ADAM12: variants seen among roughly 807,000 people sequenced by gnomAD.
ADAM12 encodes the protein ADAM metallopeptidase domain 12.
ADAM12 carries 70 observed loss-of-function variants against 106.4 expected under a neutral mutation model. The ratio of observed to expected loss-of-function variants is 0.66; its 90% CI spans 0.54 to 0.80. ADAM12 has a LOEUF of 0.80. ADAM12 is among the 30% of genes least tolerant of loss of function. The probability of loss-of-function intolerance (pLI) is 0.00; values close to 1 mark genes in which losing one functional copy is unlikely to be tolerated. For missense variants in ADAM12, 1,010 were observed against 1,171.9 expected (o/e 0.86, Z 2.02); for synonymous variants, 420 against 433.5 (o/e 0.97, Z 0.39).
chr10:126,365,403 G>A (rs531012164), intron 1 of ADAM12, among the ~76,000 whole-genome samples: 4 of 152,296 alleles, frequency 2.6e-5, no homozygotes, highest in South Asian at 4.1e-4. Context: ...AGCTAGGAAT[G>A]AAGAAGCTTC....
intron 3 of ADAM12, among the ~76,000 whole-genome samples, chr10:126,191,283 C>T (rs1432022828): frequency 2.0e-5 from 3 of 151,748 alleles, no homozygotes; most frequent in East Asian, 1.9e-4. Flanking sequence ...ATTGAGTCAC[C>T]GGGCCCAGTC....
intron 11 of ADAM12, among the ~76,000 whole-genome samples, chr10:126,092,761 A>T (rs1955489731): frequency 6.6e-6 from 1 of 152,196 alleles, no homozygotes; most frequent in African/African-American, 2.4e-5. Flanking sequence ...GGCGATGAAC[A>T]TGAGGAATCA....
At chr10:126,272,374 A>G (rs1432629979) in intron 3 of ADAM12, among the ~76,000 whole-genome samples, 4 of 152,236 alleles carry the variant, frequency 2.6e-5, no homozygotes, top group African/African-American at 7.2e-5. Context: ...GATTAGGCCA[A>G]TGTTTTCCAA....
At chr10:126,359,299 C>T (rs371938702) in intron 1 of ADAM12, among the ~76,000 whole-genome samples, 1 of 152,264 alleles carries the variant, frequency 6.6e-6, no homozygotes. Context: ...TCATGCCTTC[C>T]CAACAGTCCC....
chr10:126,167,644 T>C (rs1676744), intron 3 of ADAM12, among the ~76,000 whole-genome samples: 17,723 of 152,206 alleles, frequency 0.12, 2,286 homozygotes, highest in African/African-American at 0.32. Flanking sequence ...ACGATCAAAC[T>C]CATTTATATT....
intron 3 of ADAM12, among the ~76,000 whole-genome samples, chr10:126,217,326 A>G (rs1282520857): frequency 6.6e-6 from 1 of 152,078 alleles, no homozygotes; most frequent in East Asian, 1.9e-4. Flanking sequence ...CCTCAAATTT[A>G]TGAAGTTATC....
At chr10:126,110,545 A>T (rs1955851315) in intron 6 of ADAM12, among the ~76,000 whole-genome samples, 1 of 152,168 alleles carries the variant, frequency 6.6e-6, no homozygotes, top group Non-Finnish European at 1.5e-5. Context: ...CTAAGACTGC[A>T]ATATGCCCCT....
intron 3 of ADAM12, among the ~76,000 whole-genome samples, chr10:126,206,826 T>C (rs1035016722): frequency 7.5e-6 from 1 of 133,304 alleles, no homozygotes; most frequent in South Asian, 2.6e-4. Context: ...TCATCTTGAG[T>C]TGTAGCTCCC....
chr10:126,318,363 CT>C (rs1853961460), intron 2 of ADAM12, among the ~76,000 whole-genome samples: 1 of 151,948 alleles, frequency 6.6e-6, no homozygotes, highest in East Asian at 1.9e-4. Context: ...CACTCTCTCA[CT>C]CGCATACATC....
At chr10:126,135,772 T>C (rs1956394189) in intron 4 of ADAM12, 112 bp from the exon 5 acceptor site, 3 of 938,614 alleles carry the variant, frequency 3.2e-6, no homozygotes, top group Non-Finnish European at 5.0e-6. Context: ...GCATAAAATA[T>C]TGTTCTACAG....
chr10:126,307,937 T>C (rs1194423434), intron 2 of ADAM12, among the ~76,000 whole-genome samples: 1 of 152,198 alleles, frequency 6.6e-6, no homozygotes, highest in Non-Finnish European at 1.5e-5. Flanking sequence ...TTTTATTTTA[T>C]GCTAGACACT....
At chr10:126,152,544 T>G (rs1956746298) in intron 4 of ADAM12, among the ~76,000 whole-genome samples, 1 of 151,964 alleles carries the variant, frequency 6.6e-6, no homozygotes, top group Non-Finnish European at 1.5e-5. Context: ...TCTCTGATGT[T>G]ACCACTACAG....
At chr10:126,069,712 G>A (rs1010052972) in intron 12 of ADAM12, among the ~76,000 whole-genome samples, 17 of 152,092 alleles carry the variant, frequency 1.1e-4, no homozygotes, top group Non-Finnish European at 4.4e-5. Flanking sequence ...CCACGGTGGT[G>A]GCAGTAGCTG....
chr10:126,022,191 C>A (rs1377386228), intron 21 of ADAM12, among the ~76,000 whole-genome samples: 1 of 152,108 alleles, frequency 6.6e-6, no homozygotes, highest in Non-Finnish European at 1.5e-5. Context: ...GGGACGTTCC[C>A]AATTTATGTT....
chr10:126,202,071 TC>T (rs111539319), intron 3 of ADAM12, among the ~76,000 whole-genome samples: 1,865 of 152,346 alleles, frequency 0.012, 54 homozygotes, highest in African/African-American at 0.043. Context: ...CTTGTCCACT[TC>T]CATTCACTCT....
intron 3 of ADAM12, among the ~76,000 whole-genome samples, chr10:126,234,107 A>G (rs1264127097): frequency 1.3e-5 from 2 of 152,220 alleles, no homozygotes; most frequent in African/African-American, 4.8e-5. Flanking sequence ...TCCCAAGCTC[A>G]TGGACAGGCA....
chr10:126,127,661 G>T (rs1010823503), intron 5 of ADAM12, among the ~76,000 whole-genome samples: 3 of 152,248 alleles, frequency 2.0e-5, no homozygotes, highest in Non-Finnish European at 2.9e-5. Flanking sequence ...GGGCAAGGAA[G>T]GATAGGGGCC....
intron 3 of ADAM12, among the ~76,000 whole-genome samples, chr10:126,237,357 T>G (rs1378525391): frequency 2.0e-5 from 3 of 152,124 alleles, no homozygotes; most frequent in African/African-American, 7.2e-5. Context: ...TATTCTATTA[T>G]TCTCAGAAAA....
intron 14 of ADAM12, among the ~76,000 whole-genome samples, chr10:126,050,919 G>C (rs955710359): frequency 6.6e-6 from 1 of 151,916 alleles, no homozygotes; most frequent in Admixed American, 6.6e-5. Flanking sequence ...TTTTTCAGGG[G>C]CATTAGCCCA....
Sources: gnomAD v4.1 joint callset for allele counts (sites outside exome capture counted in the v4.1 genomes callset) on GRCh38, gnomAD v4.1.1 for gene constraint, MANE v1.5 for transcripts, NCBI Gene and HGNC (gene_info 2026-07-23, HGNC 2026-07-21) for gene names.